Variants in GPC6 observed in about 807,000 individuals in gnomAD.
The protein encoded by GPC6 is glypican 6.
In GPC6, 14 loss-of-function variants were observed where a neutral mutation model predicts 55.2. The ratio of observed to expected loss-of-function variants is 0.25; its 90% CI spans 0.17 to 0.40. GPC6 has a LOEUF of 0.40. GPC6 is among the 10% of genes least tolerant of loss of function. The probability of loss-of-function intolerance (pLI) is 1.00; values close to 1 mark genes in which losing one functional copy is unlikely to be tolerated. For synonymous variants in GPC6, 278 were observed against 259.6 expected, an observed-to-expected ratio of 1.07 and a Z score of -0.68; for missense variants, 641 against 708.5, an observed-to-expected ratio of 0.90 and a Z score of 1.08.
rs75063961 is a variant in GPC6, at chr13:93,911,488, T to C, written c.711+80943T>C. Among the ~76,000 whole-genome samples the C allele has an allele frequency of 7.5e-3, 1,142 of 152,140 alleles. 17 individuals carry two copies. The highest frequency in any genetic ancestry group is 0.026 in the African/African-American group (1,090 of 41,488). Reference sequence around the variant, plus strand: ...CAATCACAAGGATATGTAGTCATAATTACAAGGATGTGAGGCATGATATTG... The same window carrying C: ...CAATCACAAGGATATGTAGTCATAACTACAAGGATGTGAGGCATGATATTG... On this transcript the variant is annotated intron_variant, in intron 3 of 8. Coordinates refer to ENST00000377047, the MANE Select transcript of GPC6 (RefSeq NM_005708.5).
intron 2 of GPC6, among the ~76,000 whole-genome samples, chr13:93,623,462 T>C (rs1388296900): frequency 4.2e-5 from 6 of 141,484 alleles, no homozygotes; most frequent in East Asian, 2.0e-4. Context: ...TTTCTTTTTT[T>C]TTTTTTTTTT....
chr13:93,782,444 T>C (rs1885682104), intron 2 of GPC6, among the ~76,000 whole-genome samples: 2 of 152,220 alleles, frequency 1.3e-5, no homozygotes, highest in Admixed American at 6.5e-5. Flanking sequence ...TTTGGATATT[T>C]ATCCAATAGT....
chr13:93,754,366 T>A lies in GPC6; in HGVS notation c.320-75788T>A, dbSNP rs534080997. Among the ~76,000 whole-genome samples, 13 of 152,306 alleles carry A rather than the reference T, an allele frequency of 8.5e-5. No homozygotes were observed. In the East Asian group the frequency reaches 2.5e-3, roughly 29 times the overall value. ...TCTCTTTTCCTACTTACAGGTATAATATTGATTCTTAACACCTACTAATTG... is the reference window on the plus strand; with the variant it reads ...TCTCTTTTCCTACTTACAGGTATAAAATTGATTCTTAACACCTACTAATTG... On this transcript the variant is annotated intron_variant, in intron 2 of 8. Coordinates refer to ENST00000377047, the MANE Select transcript of GPC6 (RefSeq NM_005708.5).
At chr13:93,916,278 C>T (rs1215894041) in intron 3 of GPC6, among the ~76,000 whole-genome samples, 1 of 152,140 alleles carries the variant, frequency 6.6e-6, no homozygotes, top group African/African-American at 2.4e-5. Context: ...TCCTGGAGAA[C>T]TTGGACTATG....
chr13:94,366,713 C>CA (rs1270560895), intron 6 of GPC6, among the ~76,000 whole-genome samples: 3 of 152,146 alleles, frequency 2.0e-5, no homozygotes, highest in African/African-American at 2.4e-5. Context: ...CTCTATACAG[C>CA]AAAAATAATG....
At chr13:93,247,673 G>T (rs1876650293) in intron 1 of GPC6, among the ~76,000 whole-genome samples, 1 of 152,088 alleles carries the variant, frequency 6.6e-6, no homozygotes, top group African/African-American at 2.4e-5. Context: ...CCTCATAAAA[G>T]GTCAGTTTCA....
chr13:93,527,460 T>G (rs1471184821), intron 1 of GPC6, among the ~76,000 whole-genome samples: 1 of 152,162 alleles, frequency 6.6e-6, no homozygotes, highest in African/African-American at 2.4e-5. Context: ...GACTCTGAAC[T>G]CCTTTTGGTT....
At chr13:93,545,566 A>G (rs1322734586) in intron 2 of GPC6, 145 bp downstream of exon 2, 1 of 755,820 alleles carries the variant, frequency 1.3e-6, no homozygotes, top group African/African-American at 1.8e-5. Flanking sequence ...TAGAAAAAGC[A>G]TGAGTTTTCT....
chr13:93,814,611 TG>T (rs1886792537), intron 2 of GPC6, among the ~76,000 whole-genome samples: 1 of 152,216 alleles, frequency 6.6e-6, no homozygotes, highest in African/African-American at 2.4e-5. Flanking sequence ...TTGACATCTT[TG>T]GCACACTGAA....
At chr13:93,353,683 G>C (rs962603769) in intron 1 of GPC6, among the ~76,000 whole-genome samples, 1 of 152,198 alleles carries the variant, frequency 6.6e-6, no homozygotes, top group African/African-American at 2.4e-5. Flanking sequence ...TTTTCAGCAC[G>C]TGAGGCTGTC....
chr13:94,209,976 T>G (rs1483620559), intron 4 of GPC6, among the ~76,000 whole-genome samples: 1 of 151,864 alleles, frequency 6.6e-6, no homozygotes, highest in East Asian at 1.9e-4. Context: ...GCCTCCTGAG[T>G]AGCTGGGACC....
intron 3 of GPC6, among the ~76,000 whole-genome samples, chr13:93,873,942 C>T (rs1010963674): frequency 7.9e-5 from 12 of 151,958 alleles, no homozygotes; most frequent in Admixed American, 7.2e-4. Context: ...TCCACTGCTC[C>T]ACCTTACTCT....
At position 93,285,107 on chromosome 13, in the gene GPC6, T is replaced by C. The variant is rs144250924; in HGVS notation, c.160+57491T>C. Among the ~76,000 whole-genome samples the C allele has an allele frequency of 3.3e-3, 503 of 152,282 alleles. 3 individuals are homozygous for C. The highest frequency in any genetic ancestry group is 0.011 in the African/African-American group (458 of 41,568). On this transcript the variant is annotated intron_variant, in intron 1 of 8. Transcript: ENST00000377047. ...CCAGGATTGGGACTGGATTACATAG[T>C]GGGACAGGGAGAGGTTTAAGTCCAG...
rs1890409029 is a variant in GPC6, at chr13:94,222,320, G to T, written c.878-64029G>T. On this transcript the variant is annotated intron_variant, in intron 4 of 8. Coordinates refer to ENST00000377047, the MANE Select transcript of GPC6 (RefSeq NM_005708.5). ...AGATCTCTAAAACATTGGATCTCAG[G>T]AAAATATTTGGAGAGAAGTCCCAGA... Among the ~76,000 whole-genome samples, 3 of 152,114 alleles carry T rather than the reference G, an allele frequency of 2.0e-5. No homozygotes were observed. The South Asian group carries it at 6.2e-4, about 32-fold the overall frequency.
At chr13:94,042,043 GAC>G (rs1883556347) in intron 4 of GPC6, among the ~76,000 whole-genome samples, 1 of 151,826 alleles carries the variant, frequency 6.6e-6, no homozygotes, top group Non-Finnish European at 1.5e-5. Context: ...GGATCATGTT[GAC>G]AGTTTCTCAT....
intron 2 of GPC6, among the ~76,000 whole-genome samples, chr13:93,813,595 A>G (rs1886763497): frequency 6.6e-6 from 1 of 152,160 alleles, no homozygotes; most frequent in South Asian, 2.1e-4. Flanking sequence ...AATAGTAAGG[A>G]TAATTAATTG....
intron 1 of GPC6, among the ~76,000 whole-genome samples, chr13:93,442,612 A>G (rs1370430430): frequency 6.6e-6 from 1 of 152,210 alleles, no homozygotes; most frequent in Non-Finnish European, 1.5e-5. Flanking sequence ...GTGTTTCAGT[A>G]TCTTCCAAGA....
intron 4 of GPC6, among the ~76,000 whole-genome samples, chr13:94,062,503 G>A (rs1349091316): frequency 1.3e-5 from 2 of 151,858 alleles, no homozygotes; most frequent in African/African-American, 4.8e-5. Flanking sequence ...CACCCGCCTC[G>A]ACCTCCCAAA....
At chr13:93,241,918 T>C (rs1356481539) in intron 1 of GPC6, among the ~76,000 whole-genome samples, 1 of 152,140 alleles carries the variant, frequency 6.6e-6, no homozygotes, top group Non-Finnish European at 1.5e-5. Context: ...TTGCAAAGAC[T>C]CTGTGTAAGT....
Sources: gnomAD v4.1 joint callset for allele counts (sites outside exome capture counted in the v4.1 genomes callset) on GRCh38, gnomAD v4.1.1 for gene constraint, MANE v1.5 for transcripts, NCBI Gene and HGNC (gene_info 2026-07-23, HGNC 2026-07-21) for gene names.